Variants in SUGCT observed in about 807,000 individuals in gnomAD.
SUGCT encodes succinyl-CoA:glutarate-CoA transferase.
In SUGCT, 41 loss-of-function variants were observed where a neutral mutation model predicts 55.0. The observed-to-expected ratio is 0.74, with a 90% CI of 0.58 to 0.97. The LOEUF (loss-of-function observed/expected upper bound fraction) is 0.97. SUGCT is among the 50% of genes least tolerant of loss of function. The pLI is 0.00. For synonymous variants in SUGCT, 187 were observed against 200.4 expected, an observed-to-expected ratio of 0.93 and a Z score of 0.56; for missense variants, 568 against 547.8, an observed-to-expected ratio of 1.04 and a Z score of -0.37.
intron 12 of SUGCT, among the ~76,000 whole-genome samples, chr7:40,588,047 C>A (rs1017008351): frequency 6.6e-6 from 1 of 151,612 alleles, no homozygotes; most frequent in Non-Finnish European, 1.5e-5. Flanking sequence ...GAATTACAGG[C>A]GTGTGCCACC....
At chr7:40,185,532 T>C (rs1186840947) in intron 3 of SUGCT, among the ~76,000 whole-genome samples, 8 of 152,100 alleles carry the variant, frequency 5.3e-5, no homozygotes, top group Non-Finnish European at 1.2e-4. Flanking sequence ...ATTGTCTTCT[T>C]TTTTTTGAGA....
At chr7:40,732,578 C>T (rs1786950716) in intron 12 of SUGCT, among the ~76,000 whole-genome samples, 2 of 152,066 alleles carry the variant, frequency 1.3e-5, no homozygotes, top group African/African-American at 4.8e-5. Flanking sequence ...AGCAAAATGT[C>T]CAAACCAGAG....
chr7:40,416,820 T>C (rs1251666800), intron 9 of SUGCT, among the ~76,000 whole-genome samples: 2 of 152,138 alleles, frequency 1.3e-5, no homozygotes, highest in East Asian at 3.9e-4. Flanking sequence ...TCTGGAATAA[T>C]TTAAATTTCA....
intron 11 of SUGCT, among the ~76,000 whole-genome samples, chr7:40,473,368 G>A (rs1227999152): frequency 1.3e-5 from 2 of 152,092 alleles, no homozygotes; most frequent in Non-Finnish European, 2.9e-5. Context: ...TATCCCAATA[G>A]CAATAGTAGT....
At chr7:40,215,297 C>G (rs565374596) in intron 6 of SUGCT, among the ~76,000 whole-genome samples, 1 of 152,182 alleles carries the variant, frequency 6.6e-6, no homozygotes, top group East Asian at 2.0e-4. Flanking sequence ...CGCGTGCCAC[C>G]ATGCTCAGAT....
the SUGCT span, among the ~76,000 whole-genome samples, chr7:40,914,112 C>T: frequency 7.3e-5 from 11 of 150,278 alleles, no homozygotes; most frequent in African/African-American, 1.5e-4. Context: ...ACCACTTCTA[C>T]GTATCTAATT....
intron 11 of SUGCT, among the ~76,000 whole-genome samples, chr7:40,472,071 T>C (rs1790430455): frequency 6.6e-6 from 1 of 152,146 alleles, no homozygotes; most frequent in African/African-American, 2.4e-5. Context: ...TAAGACATAG[T>C]AAGACATACA....
At chr7:40,600,245 GT>G (rs1798227024) in intron 12 of SUGCT, among the ~76,000 whole-genome samples, 1 of 152,086 alleles carries the variant, frequency 6.6e-6, no homozygotes, top group African/African-American at 2.4e-5. Flanking sequence ...CATTTCTTAT[GT>G]GTGTGTGAAT....
intron 13 of SUGCT, among the ~76,000 whole-genome samples, chr7:40,759,694 A>G (rs1382386662): frequency 2.0e-5 from 3 of 152,032 alleles, no homozygotes; most frequent in Non-Finnish European, 4.4e-5. Context: ...ACTGCTGGAT[A>G]TATTTTAAAT....
intron 13 of SUGCT, among the ~76,000 whole-genome samples, chr7:40,764,636 G>A (rs79730736): frequency 0.086 from 13,018 of 152,218 alleles, 683 homozygotes; most frequent in Middle Eastern, 0.16. Context: ...AGAGTAGGGT[G>A]GAGTAGAGTC....
the SUGCT span, among the ~76,000 whole-genome samples, chr7:40,909,485 G>A: frequency 5.3e-5 from 8 of 152,184 alleles, no homozygotes; most frequent in Non-Finnish European, 8.8e-5. Flanking sequence ...GTCAAAATTG[G>A]TTGCTAGATG....
In SUGCT at chr7:40,262,727, G is replaced by T. The variant is rs1415855459; in HGVS notation, c.577-11786G>T. Among the ~76,000 whole-genome samples, 7 of 152,210 alleles carry T rather than the reference G, an allele frequency of 4.6e-5. No homozygotes were observed. In the East Asian group the frequency reaches 1.4e-3, roughly 29 times the overall value. On this transcript the variant is annotated intron_variant, in intron 7 of 13. Transcript: ENST00000335693. ...ATTTCTTGACTGCAGTTGTAGAAAT[G>T]ACAAATTAACTCACACATTTAAAAT...
chr7:40,277,585 T>A (rs903961283), intron 8 of SUGCT, among the ~76,000 whole-genome samples: 1 of 152,054 alleles, frequency 6.6e-6, no homozygotes, highest in African/African-American at 2.4e-5. Flanking sequence ...TTCATAGACT[T>A]GCTACAGCTG....
At chr7:40,520,518 T>C (rs1793474502) in intron 12 of SUGCT, among the ~76,000 whole-genome samples, 1 of 152,164 alleles carries the variant, frequency 6.6e-6, no homozygotes, top group African/African-American at 2.4e-5. Context: ...TATTAGTCAT[T>C]ATATTTTAAG....
the SUGCT span, among the ~76,000 whole-genome samples, chr7:41,028,757 C>G: frequency 2.2e-4 from 34 of 152,304 alleles, no homozygotes; most frequent in Non-Finnish European, 3.4e-4. Flanking sequence ...TTGGCAGAAC[C>G]TAAATGATTC....
the SUGCT span, among the ~76,000 whole-genome samples, chr7:41,023,465 A>G: frequency 1.3e-5 from 2 of 152,166 alleles, no homozygotes; most frequent in African/African-American, 4.8e-5. Context: ...ATAAAAATAT[A>G]GAAATAAAGA....
At chr7:40,937,959 A>T in the SUGCT span, among the ~76,000 whole-genome samples, 1 of 152,174 alleles carries the variant, frequency 6.6e-6, no homozygotes, top group African/African-American at 2.4e-5. Context: ...TAAGGAGCAC[A>T]CAACCTAGAT....
the SUGCT span, among the ~76,000 whole-genome samples, chr7:40,919,313 C>T: frequency 2.6e-5 from 4 of 152,182 alleles, no homozygotes; most frequent in African/African-American, 9.7e-5. Context: ...AGTAAGCTTC[C>T]TCCTGGATTG....
chr7:40,517,773 G>A (rs1158512843), intron 12 of SUGCT, among the ~76,000 whole-genome samples: 1 of 152,044 alleles, frequency 6.6e-6, no homozygotes, highest in Non-Finnish European at 1.5e-5. Context: ...ACTTATGGTT[G>A]ATTTGCTGTA....
Sources: allele counts gnomAD v4.1 joint callset (sites outside exome capture counted in the v4.1 genomes callset), GRCh38; gene constraint gnomAD v4.1.1; transcripts MANE v1.5; gene names NCBI Gene and HGNC (gene_info 2026-07-23, HGNC 2026-07-21).